NPEPL1: variants seen among roughly 807,000 people sequenced by gnomAD.
NPEPL1 encodes the protein probable aminopeptidase NPEPL1.
A neutral mutation model predicts 52.4 loss-of-function variants in NPEPL1; 45 were observed. The ratio of observed to expected loss-of-function variants is 0.86; its 90% confidence interval spans 0.68 to 1.10. The LOEUF (loss-of-function observed/expected upper bound fraction) is 1.10, where lower values mean the gene tolerates loss of function less well. NPEPL1 is among the 50% of genes least tolerant of loss of function. The pLI, the probability that NPEPL1 is intolerant of heterozygous loss-of-function variation, is 0.00. For synonymous variants in NPEPL1, 360 were observed against 314.7 expected (o/e 1.14, Z -1.52); for missense variants, 696 against 710.9 (o/e 0.98, Z 0.24).
At chr20:58,697,895 C>T (rs1020068982) in intron 3 of NPEPL1, among the ~76,000 whole-genome samples, 3 of 152,246 alleles carry the variant, frequency 2.0e-5, no homozygotes, top group Admixed American at 2.0e-4. Context: ...CCTCTCTGCC[C>T]TGCCTTCGAG....
At position 58,692,929 on chromosome 20, in the gene NPEPL1, C is replaced by T. The variant is rs1414417936; in HGVS notation, c.29C>T (p.Ala10Val). MANVGLQFQASAGDSDPQSR... is the reference protein window; with the variant it reads MANVGLQFQVSAGDSDPQSR... ...GCGAACGTGGGGCTGCAGTTCCAGGCGAGCGCGGGGGACTCGGACCCACAG... is the reference window on the plus strand; with the variant it reads ...GCGAACGTGGGGCTGCAGTTCCAGGTGAGCGCGGGGGACTCGGACCCACAG... The change falls in exon 1 of 12, where the codon GCG becomes GTG. Residue 10 changes from alanine to valine, a missense_variant. By Grantham distance (64) the Ala-to-Val change is moderately conservative. Transcript: ENST00000356091. The surrounding 1 kb of genome is among the most constrained non-coding windows in gnomAD (Gnocchi z 5.7). The T allele has an allele frequency of 3.5e-6, 4 of 1,128,056 alleles. No individual in the cohort carries two copies. Among genetic ancestry groups the T allele is most frequent in the South Asian group, 2.6e-5 (1 of 38,976 alleles). 69.9% of individuals were successfully genotyped at this position (1,128,056 alleles called of 1,614,324 possible). A position where few individuals can be genotyped will look rare whatever the true frequency, so the allele number is the denominator to read the frequency against.
intron 6 of NPEPL1, among the ~76,000 whole-genome samples, chr20:58,701,630 G>A (rs1033492769): frequency 2.0e-5 from 3 of 152,180 alleles, no homozygotes; most frequent in Non-Finnish European, 4.4e-5. Context: ...GGCAAGCAGG[G>A]CCAGGGAGGC....
chr20:58,702,672 A>G (rs1034324596), intron 6 of NPEPL1, among the ~76,000 whole-genome samples: 1 of 152,082 alleles, frequency 6.6e-6, no homozygotes. Context: ...GATCTTCTTT[A>G]CTAATGTATG....
Position 58,713,397 on chromosome 20 carries a change from C to T in NPEPL1, c.1002-23C>T, listed in dbSNP as rs746219286. 35 of 1,576,732 alleles carry T rather than the reference C, an allele frequency of 2.2e-5. No individual in the cohort carries two copies. In the East Asian group the frequency reaches 6.0e-4, roughly 27 times the overall value. ...TGTCCCAGGAAATCCCGTCCCTGAG[C>T]GGGGATCTCTACCATGCCCCAGGAC... is the stretch of plus-strand genomic sequence containing the variant. On this transcript the variant is annotated intron_variant, in intron 8 of 11. Transcript: ENST00000356091. This position sits in a 1 kb window ranked among gnomAD's most constrained non-coding sequence, Gnocchi z 4.6.
At chr20:58,708,268 T>C (rs2084773917) in intron 7 of NPEPL1, among the ~76,000 whole-genome samples, 1 of 152,186 alleles carries the variant, frequency 6.6e-6, no homozygotes, top group Admixed American at 6.5e-5. Flanking sequence ...GGAGGAGGAA[T>C]CCCAGGAGGA....
At chr20:58,707,490 C>T (rs1203803237) in intron 7 of NPEPL1, among the ~76,000 whole-genome samples, 1 of 152,256 alleles carries the variant, frequency 6.6e-6, no homozygotes, top group African/African-American at 2.4e-5. Context: ...GAAGCCTGGC[C>T]TAGACCCTCA....
At position 58,693,888 on chromosome 20, in the gene NPEPL1, C is replaced by A; in HGVS notation, c.302C>A (p.Thr101Asn). ...CACTTCATCACGCGGCTGGTGCGGA[C>A]CTGCCTGCCGCCCGGAGCGCATCGC... Reference protein sequence around the residue: ...AAHFITRLVRTCLPPGAHRCI... With the variant: ...AAHFITRLVRNCLPPGAHRCI... The change falls in exon 2 of 12, where the codon ACC (threonine) becomes AAC (asparagine). Residue 101 changes from threonine to asparagine, a missense_variant. By Grantham distance (65) the Thr-to-Asn change is moderately conservative (BLOSUM62 0). Coordinates refer to ENST00000356091, the MANE Select transcript of NPEPL1 (RefSeq NM_024663.4). 1 of 1,612,104 alleles carries A rather than the reference C, an allele frequency of 6.2e-7. No individual in the cohort carries two copies. Among genetic ancestry groups the A allele is most frequent in the Non-Finnish European group, 8.5e-7 (1 of 1,179,004 alleles).
intron 5 of NPEPL1, among the ~76,000 whole-genome samples, chr20:58,699,720 C>T (rs1357411013): frequency 1.3e-5 from 2 of 152,308 alleles, no homozygotes; most frequent in African/African-American, 4.8e-5. Flanking sequence ...AATGCCCCCT[C>T]CTCAGAGAGG....
At position 58,699,269 on chromosome 20, in the gene NPEPL1, G is replaced by C; in HGVS notation, c.670G>C (p.Gly224Arg). The change falls in exon 5 of 12, where the codon GGA (glycine) becomes CGA (arginine). Residue 224 changes from glycine to arginine, a missense_variant. Physicochemically the swap from Gly to Arg is moderately radical, Grantham distance 125. Transcript: ENST00000356091. ...CCGGGATGAGGAACTGAAGACGAGA[G>C]GATTTGGAGGTGGGTGGGGGCTGCA... Reference protein sequence around the residue: ...IIRDEELKTRGFGGIYGVGKA... With the variant: ...IIRDEELKTRRFGGIYGVGKA... The C allele has an allele frequency of 6.2e-7, 1 of 1,605,622 alleles. No individual in the cohort carries two copies. Among genetic ancestry groups the C allele is most frequent in the Non-Finnish European group, 8.5e-7 (1 of 1,175,880 alleles).
Position 58,712,472 on chromosome 20 carries a change from C to T in NPEPL1, c.901-7C>T. The T allele has an allele frequency of 6.2e-7, 1 of 1,607,124 alleles. No individual in the cohort carries two copies. The highest frequency in any genetic ancestry group is 1.1e-5 in the South Asian group (1 of 90,958). On this transcript the variant is annotated splice_region_variant and splice_polypyrimidine_tract_variant and intron_variant, in intron 7 of 11. Coordinates refer to ENST00000356091, the MANE Select transcript of NPEPL1 (RefSeq NM_024663.4). ...CAACTGGAGCCTCTGCCCACTTCTC[C>T]CTCCAGGGTTTCAAAGACAACCTCC...
chr20:58,691,707 T>A (rs1248726693), upstream of NPEPL1: 8 of 726,236 alleles, frequency 1.1e-5, no homozygotes, highest in Non-Finnish European at 1.7e-5. Context: ...TTTTTTTTTT[T>A]TTTTTTTCAT....
chr20:58,710,609 GCACT>G (rs1320537754), intron 7 of NPEPL1, among the ~76,000 whole-genome samples: 2 of 152,194 alleles, frequency 1.3e-5, no homozygotes, highest in African/African-American at 4.8e-5. Flanking sequence ...TGTCGCTGAA[GCACT>G]CACAGTCCAG....
upstream of NPEPL1, chr20:58,692,216 C>T (rs1336753324): frequency 3.7e-6 from 1 of 268,858 alleles, no homozygotes; most frequent in Non-Finnish European, 7.1e-6. This position sits in a 1 kb window ranked among gnomAD's most constrained non-coding sequence, Gnocchi z 5.7. Flanking sequence ...CTGTCACCCT[C>T]TCACATCCAG....
At chr20:58,699,634 G>A (rs117393743) in intron 5 of NPEPL1, among the ~76,000 whole-genome samples, 1 of 152,262 alleles carries the variant, frequency 6.6e-6, no homozygotes, top group South Asian at 2.1e-4. Flanking sequence ...CGGCAGGCAG[G>A]GCCTGTGTGC....
rs755331052 is a variant in NPEPL1 at position 58,704,085 on chromosome 20, C to T, written c.822+2927C>T. The T allele has an allele frequency of 1.7e-5, 17 of 985,182 alleles. No individual in the cohort carries two copies. In the Admixed American group the frequency reaches 1.8e-4, roughly 11 times the overall value. 61.0% of individuals were successfully genotyped at this position (985,182 alleles called of 1,614,324 possible). On this transcript the variant is annotated intron_variant, in intron 6 of 11. Coordinates refer to ENST00000356091, the MANE Select transcript of NPEPL1 (RefSeq NM_024663.4). ...CTGAGCTGTTACTGTGTGGAGTGGGCGCTGAGGCTCCAGCCATTGATGCAA... is the reference window on the plus strand; with the variant it reads ...CTGAGCTGTTACTGTGTGGAGTGGGTGCTGAGGCTCCAGCCATTGATGCAA...
At position 58,713,380 on chromosome 20, in the gene NPEPL1, G is replaced by C. The variant is rs755591499; in HGVS notation, c.1002-40G>C. 6.4e-7 allele frequency: 1 copy of C among 1,552,178 alleles called. No homozygotes were observed. Among genetic ancestry groups the C allele is most frequent in the Admixed American group, 1.9e-5 (1 of 53,676 alleles). ...AAAGGGGCTCATGCCAGTGTCCCAG[G>C]AAATCCCGTCCCTGAGCGGGGATCT... On this transcript the variant is annotated intron_variant, in intron 8 of 11. Coordinates refer to ENST00000356091, the MANE Select transcript of NPEPL1 (RefSeq NM_024663.4). This position sits in a 1 kb window ranked among gnomAD's most constrained non-coding sequence, Gnocchi z 4.6.
At chr20:58,693,159 C>A in intron 1 of NPEPL1, 109 bp downstream of exon 1, 1 of 776,070 alleles carries the variant, frequency 1.3e-6, no homozygotes. Flanking sequence ...CCGGGCCGGG[C>A]CCAACGAGGC....
At chr20:58,704,814 C>A (rs1020121819) in intron 6 of NPEPL1, among the ~76,000 whole-genome samples, 3 of 152,218 alleles carry the variant, frequency 2.0e-5, no homozygotes, top group African/African-American at 7.2e-5. Flanking sequence ...CAAAACTCAA[C>A]AAGTGGTAGC....
At chr20:58,706,390 A>G (rs778850121) in intron 6 of NPEPL1, among the ~76,000 whole-genome samples, 3 of 152,140 alleles carry the variant, frequency 2.0e-5, no homozygotes, top group African/African-American at 4.8e-5. Flanking sequence ...CCATCATTCA[A>G]GGTTGTGATG....
Sources: gnomAD v4.1 joint callset for allele counts (sites outside exome capture counted in the v4.1 genomes callset) on GRCh38, gnomAD v4.1.1 for gene constraint, Gnocchi (gnomAD v3.1) non-coding constraint, MANE v1.5 for transcripts, NCBI Gene and HGNC (gene_info 2026-07-23, HGNC 2026-07-21) for gene names.